The following PSMD13 variants were observed in gnomAD, a reference collection of about 807,000 sequenced individuals.
The protein encoded by PSMD13 is 26S proteasome non-ATPase regulatory subunit 13.
PSMD13 carries 8 observed loss-of-function variants against 57.4 expected under a neutral mutation model. That is an observed-to-expected ratio of 0.14 (90% CI 0.08 to 0.25). The LOEUF (loss-of-function observed/expected upper bound fraction) is 0.25. PSMD13 is among the 10% of genes least tolerant of loss of function. PSMD13 has a pLI of 1.00. For synonymous variants in PSMD13, 193 were observed against 168.2 expected (o/e 1.15, Z -1.14); for missense variants, 400 against 461.5 (o/e 0.87, Z 1.22).
chr11:249,955 C>G (rs1168460324), intron 9 of PSMD13, among the ~76,000 whole-genome samples: 2 of 151,874 alleles, frequency 1.3e-5, no homozygotes, highest in Admixed American at 1.3e-4. Context: ...GCAGCCAGAC[C>G]TAACTGTGGT....
At chr11:242,271 A>C (rs1244171535) in intron 2 of PSMD13, among the ~76,000 whole-genome samples, 2 of 146,444 alleles carry the variant, frequency 1.4e-5, no homozygotes, top group African/African-American at 5.1e-5. Context: ...TCTAGTATGG[A>C]GTCTGAGGAA....
intron 2 of PSMD13, chr11:243,554 A>G (rs576754339): frequency 2.5e-5 from 9 of 355,544 alleles, no homozygotes; most frequent in African/African-American, 1.9e-4. Context: ...CCTTCCTTCC[A>G]CAGTGGTCTT....
At chr11:247,994 C>CAG (rs1859688580) in intron 7 of PSMD13, 1 of 152,826 alleles carries the variant, frequency 6.5e-6, no homozygotes, top group Admixed American at 6.5e-5. Context: ...GTCCCTTCTC[C>CAG]AGTCCCTCAC....
At chr11:243,774 T>C (rs954306047) in intron 2 of PSMD13, among the ~76,000 whole-genome samples, 4 of 152,252 alleles carry the variant, frequency 2.6e-5, no homozygotes, top group East Asian at 1.9e-4. Flanking sequence ...GAGGTTCTTA[T>C]AGGTCAGTAC....
chr11:250,769 G>A, intron 9 of PSMD13, 34 bp from the exon 10 acceptor site: 2 of 1,599,072 alleles, frequency 1.3e-6, no homozygotes, highest in Non-Finnish European at 1.7e-6. Flanking sequence ...GCACAAACAT[G>A]GAAGACATTT....
chr11:251,018 G>A lies in PSMD13; in HGVS notation c.837+153G>A, dbSNP rs1209959669. ...CTCTTCACCACCTTCCTTTTCCTTT[G>A]CTACCACTTGCTCTTCTAAGTTTAT... is the stretch of plus-strand genomic sequence containing the variant. On this transcript the variant is annotated intron_variant, in intron 10 of 12. Coordinates refer to ENST00000532097, the MANE Select transcript of PSMD13 (RefSeq NM_002817.4). The surrounding 1 kb of genome is among the most constrained non-coding windows in gnomAD (Gnocchi z 4.6). 3 of 679,032 alleles carry A rather than the reference G, an allele frequency of 4.4e-6. No homozygotes were observed. Among genetic ancestry groups the A allele is most frequent in the Non-Finnish European group, 7.6e-6 (3 of 392,468 alleles). 42.1% of individuals were successfully genotyped at this position (679,032 alleles called of 1,614,324 possible).
intron 2 of PSMD13, 34 bp from the exon 3 acceptor site, chr11:244,007 T>C: frequency 1.3e-6 from 2 of 1,579,644 alleles, no homozygotes; most frequent in Non-Finnish European, 8.7e-7. Flanking sequence ...ATAAAAGACA[T>C]CCTATAATTT....
rs749674266 is a variant in PSMD13 at position 244,406 on chromosome 11, G to A, written c.266-20G>A. The A allele has an allele frequency of 7.5e-6, 12 of 1,607,176 alleles. No homozygotes were observed. The South Asian group carries it at 1.3e-4, about 18-fold the overall frequency. Reference sequence around the variant, plus strand: ...AAACCAGTCTGTTGATGGTCCTTCTGATTGTTCCTTCTTTTCCAGATCCTA... The same window carrying A: ...AAACCAGTCTGTTGATGGTCCTTCTAATTGTTCCTTCTTTTCCAGATCCTA... On this transcript the variant is annotated intron_variant, in intron 4 of 12. Transcript: ENST00000532097.
rs368717999 is a variant in PSMD13, at chr11:242,663, A to G, written c.175-1378A>G. On this transcript the variant is annotated intron_variant, in intron 2 of 12. Transcript: ENST00000532097. ...TCCGATGATAAAGATGGGAGGCACA[A>G]GCGTTCACAGTTCAGTTAAATGATG... is the stretch of plus-strand genomic sequence containing the variant. Among the ~76,000 whole-genome samples the G allele has an allele frequency of 3.9e-5, 6 of 152,348 alleles. No homozygotes were observed. The East Asian group carries it at 7.7e-4, about 20-fold the overall frequency.
At chr11:247,758 G>T (rs879621058) in intron 7 of PSMD13, 2 of 206,214 alleles carry the variant, frequency 9.7e-6, no homozygotes, top group Non-Finnish European at 9.8e-6. Flanking sequence ...ACTTGAACTC[G>T]GGAGGTGGAG....
rs755083436 is a variant in PSMD13 at position 237,009 on chromosome 11, C to T, written c.-41C>T. 9 of 1,527,046 alleles carry T rather than the reference C, an allele frequency of 5.9e-6. No individual in the cohort carries two copies. Among genetic ancestry groups the T allele is most frequent in the African/African-American group, 1.4e-5 (1 of 73,130 alleles). The allele number at this position is 1,527,046 out of a possible 1,614,324, so 94.6% of individuals were successfully genotyped here. On this transcript the variant is annotated 5_prime_UTR_variant, in exon 1 of 13. Coordinates refer to ENST00000532097, the MANE Select transcript of PSMD13 (RefSeq NM_002817.4). ...CCGGCAGCCATCCCCGCGGTGCTGA[C>T]ATCCCGGTTGTTCTTCTGTGCCGGG...
At chr11:241,846 A>G (rs546695457) in intron 2 of PSMD13, among the ~76,000 whole-genome samples, 117 of 152,320 alleles carry the variant, frequency 7.7e-4, no homozygotes, top group African/African-American at 2.7e-3. Context: ...CTAAAATAGA[A>G]ATGATCATGT....
chr11:244,460 T>G lies in PSMD13; in HGVS notation c.300T>G (p.Thr100=), dbSNP rs1564821652. 6.2e-7 allele frequency: 1 copy of G among 1,607,468 alleles called. No homozygotes were observed. ...PNVALTFLEK[T]REKVKSSDEA... The stretch of plus-strand genomic sequence containing the variant: ...TGGCTCTTACTTTTCTGGAAAAGAC[T>G]CGTGAGAAGGTAAATGTGGCATGTG... Residue 100 remains threonine (T), a synonymous_variant, in exon 5 of 13, where the codon ACT becomes ACG. Transcript: ENST00000532097.
At chr11:243,712 A>G (rs6598062) in intron 2 of PSMD13, among the ~76,000 whole-genome samples, 120,716 of 152,224 alleles carry the variant, frequency 0.79, 48,161 homozygotes, top group African/African-American at 0.88. Context: ...TTTCAATCTG[A>G]TAGTCTATTT....
Position 251,636 on chromosome 11 carries a change from C to T in PSMD13, c.918+10C>T, listed in dbSNP as rs747159771. ...AATCACAGTGAATGAGGTACGGTCC[C>T]TAGGCTCAGGGTGTTAGAGCAGCAA... On this transcript the variant is annotated intron_variant, in intron 11 of 12. Transcript: ENST00000532097. This position sits in a 1 kb window ranked among gnomAD's most constrained non-coding sequence, Gnocchi z 4.6. The T allele has an allele frequency of 2.5e-5, 40 of 1,609,422 alleles. No individual in the cohort carries two copies. The highest frequency in any genetic ancestry group is 4.0e-5 in the African/African-American group (3 of 74,784).
Position 252,888 on chromosome 11 carries a change from A to G in PSMD13, c.*288A>G, listed in dbSNP as rs2948223. 1.0e-4 allele frequency: 34 copies of G among 341,532 alleles called. No individual in the cohort carries two copies. In the South Asian group the frequency reaches 1.3e-3, roughly 13 times the overall value. 21.2% of individuals were successfully genotyped at this position (341,532 alleles called of 1,614,324 possible). A position where few individuals can be genotyped will look rare whatever the true frequency, so the allele number is the denominator to read the frequency against. On this transcript the variant is annotated 3_prime_UTR_variant, in exon 13 of 13. Transcript: ENST00000532097. This position sits in a 1 kb window ranked among gnomAD's most constrained non-coding sequence, Gnocchi z 4.1. ...GCAGGAGGCCCCCTGAAGTCTGTGT[A>G]CTCCGAGGTGGATCTCCATCCCCAT... is the stretch of plus-strand genomic sequence containing the variant.
intron 10 of PSMD13, 21 bp downstream of exon 10, chr11:250,886 C>T (rs3782114): frequency 0.047 from 75,015 of 1,610,506 alleles, 5,927 homozygotes; most frequent in East Asian, 0.43. Context: ...ACCCAGGAGC[C>T]ACTTTGTCTG....
At chr11:249,536 T>TGGGTGCAGGGAGGGGGAGAGCGGC (rs1564823729) in intron 9 of PSMD13, among the ~76,000 whole-genome samples, 1 of 121,628 alleles carries the variant, frequency 8.2e-6, no homozygotes, top group African/African-American at 3.1e-5. Flanking sequence ...GGGAGAGCGG[T>TGGGTGCAGGGAGGGGGAGAGCGGC]GGGTGCAGGG....
intron 2 of PSMD13, among the ~76,000 whole-genome samples, chr11:239,888 G>C (rs1859477243): frequency 6.6e-6 from 1 of 151,906 alleles, no homozygotes; most frequent in African/African-American, 2.4e-5. Context: ...TACATTTTGA[G>C]TCATTTCTCC....
Sources: gnomAD v4.1 joint callset for allele counts (sites outside exome capture counted in the v4.1 genomes callset) on GRCh38, gnomAD v4.1.1 for gene constraint, Gnocchi (gnomAD v3.1) non-coding constraint, MANE v1.5 for transcripts, NCBI Gene and HGNC (gene_info 2026-07-23, HGNC 2026-07-21) for gene names.